Variants in ITCH observed in about 807,000 individuals in gnomAD.
ITCH encodes itchy E3 ubiquitin protein ligase, also known as E3 ubiquitin-protein ligase Itchy homolog.
ITCH carries 28 observed loss-of-function variants against 126.8 expected under a neutral mutation model. The observed-to-expected ratio is 0.22, with a 90% confidence interval of 0.16 to 0.30. The LOEUF (loss-of-function observed/expected upper bound fraction) is 0.30. ITCH is among the 10% of genes least tolerant of loss of function. The pLI is 1.00. For missense variants in ITCH, 631 were observed against 1,032.4 expected, an observed-to-expected ratio of 0.61 and a Z score of 5.33; for synonymous variants, 342 against 340.0, an observed-to-expected ratio of 1.01 and a Z score of -0.06.
intron 7 of ITCH, among the ~76,000 whole-genome samples, chr20:34,426,367 A>C (rs1981514003): frequency 6.6e-6 from 1 of 152,166 alleles, no homozygotes; most frequent in African/African-American, 2.4e-5. Flanking sequence ...ATGGTTGTTG[A>C]AGCTGTGCTG....
Position 34,448,172 on chromosome 20 carries a change from G to A in ITCH, c.1141-1239G>A, listed in dbSNP as rs544136546. Among the ~76,000 whole-genome samples, 13 of 152,138 alleles carry A rather than the reference G, an allele frequency of 8.5e-5. No individual in the cohort carries two copies. The South Asian group carries it at 1.9e-3, about 22-fold the overall frequency. ...TGGGAGGCCGAGGCGGGTGGATCAC[G>A]AACAAGGTCAGGAGTTTGAGGCCAG... On this transcript the variant is annotated intron_variant, in intron 11 of 24. Transcript: ENST00000374864.
intron 16 of ITCH, among the ~76,000 whole-genome samples, chr20:34,473,317 A>G (rs945171588): frequency 6.6e-6 from 1 of 151,474 alleles, no homozygotes; most frequent in African/African-American, 2.4e-5. Context: ...ATTTTTTTTT[A>G]ACTTTTATGG....
In ITCH at chr20:34,476,269, A is replaced by G. The variant is rs180933533; in HGVS notation, c.1570-1503A>G. On this transcript the variant is annotated intron_variant, in intron 16 of 24. Transcript: ENST00000374864. The stretch of plus-strand genomic sequence containing the variant: ...TTCACCATCACAGTTTATAAAGTGG[A>G]CTGTCACTTTATCTTCTGAGCTGCT... 1.5e-3 allele frequency: 1,214 copies of G among 829,386 alleles called. 14 individuals carry two copies. In the African/African-American group the frequency reaches 0.018, roughly 12 times the overall value. The allele number at this position is 829,386 out of a possible 1,614,324, so 51.4% of individuals were successfully genotyped here.
intron 23 of ITCH, 86 bp from the exon 24 acceptor site, chr20:34,504,245 T>C: frequency 1.0e-6 from 1 of 990,952 alleles, no homozygotes; most frequent in East Asian, 2.4e-5. Context: ...ACAAGTTCCC[T>C]CATGATGCTG....
chr20:34,493,225 T>C (rs1989638818), intron 23 of ITCH, among the ~76,000 whole-genome samples: 2 of 152,232 alleles, frequency 1.3e-5, no homozygotes, highest in Non-Finnish European at 2.9e-5. Context: ...TCCCAAAGCC[T>C]GCTTCAGACT....
At chr20:34,396,277 A>G (rs1036490065) in intron 3 of ITCH, among the ~76,000 whole-genome samples, 13 of 151,882 alleles carry the variant, frequency 8.6e-5, no homozygotes, top group Admixed American at 7.9e-4. Flanking sequence ...CAGGTGATCC[A>G]CCTGCCTCGG....
intron 2 of ITCH, among the ~76,000 whole-genome samples, chr20:34,386,007 G>T (rs2038269097): frequency 6.6e-6 from 1 of 152,208 alleles, no homozygotes; most frequent in South Asian, 2.1e-4. Flanking sequence ...TTATGGAAAT[G>T]GGTATTTACC....
At chr20:34,483,720 G>A (rs901783293) in intron 20 of ITCH, among the ~76,000 whole-genome samples, 4 of 152,096 alleles carry the variant, frequency 2.6e-5, no homozygotes, top group African/African-American at 7.2e-5. Flanking sequence ...CTGTTCCAAC[G>A]TCTGCCTGTT....
chr20:34,440,359 A>C lies in ITCH; in HGVS notation c.869+15A>C. The C allele has an allele frequency of 6.3e-7, 1 of 1,582,654 alleles. No individual in the cohort carries two copies. On this transcript the variant is annotated intron_variant, in intron 9 of 24. Transcript: ENST00000374864. ...TTGCCACCTGGGTGAGTAACTTTTT[A>C]AATTAACATATGTTGTCTTTAGGAT...
intron 12 of ITCH, among the ~76,000 whole-genome samples, chr20:34,450,755 C>T (rs1255959544): frequency 6.6e-6 from 1 of 152,056 alleles, no homozygotes; most frequent in Non-Finnish European, 1.5e-5. Flanking sequence ...AAAAGTTGGT[C>T]CCCAAGATAC....
intron 3 of ITCH, among the ~76,000 whole-genome samples, chr20:34,399,795 C>T (rs879375620): frequency 2.6e-5 from 4 of 152,086 alleles, no homozygotes; most frequent in East Asian, 3.9e-4. Flanking sequence ...AAGCCAAGAT[C>T]GCACCCCTAC....
chr20:34,444,885 G>T (rs1346417550), intron 10 of ITCH, among the ~76,000 whole-genome samples: 2 of 152,166 alleles, frequency 1.3e-5, no homozygotes, highest in Non-Finnish European at 2.9e-5. Flanking sequence ...CAAGTGATCC[G>T]CCTGCTTTGG....
intron 2 of ITCH, among the ~76,000 whole-genome samples, chr20:34,380,527 C>G (rs779447552): frequency 2.8e-4 from 41 of 147,528 alleles, no homozygotes; most frequent in South Asian, 6.6e-4. Flanking sequence ...ATTCTGGATA[C>G]AACTCCTTTA....
At chr20:34,461,786 G>A (rs537827211) in intron 13 of ITCH, among the ~76,000 whole-genome samples, 1 of 150,402 alleles carries the variant, frequency 6.6e-6, no homozygotes, top group African/African-American at 2.4e-5. Context: ...TGGAAATAGA[G>A]ATGAACGTGA....
intron 16 of ITCH, among the ~76,000 whole-genome samples, chr20:34,474,287 TCTC>T (rs1356927977): frequency 6.6e-6 from 1 of 152,206 alleles, no homozygotes; most frequent in Non-Finnish European, 1.5e-5. Context: ...GGTCCCTAGT[TCTC>T]CTAGGCAGAG....
chr20:34,378,471 C>CAAAAAAAAAAAAAAAAAAAAAAAAAATGT (rs35400213), intron 2 of ITCH, among the ~76,000 whole-genome samples: 1 of 48,682 alleles, frequency 2.1e-5, no homozygotes, highest in Non-Finnish European at 3.5e-5. Context: ...AACTCTGTCT[C>CAAAAAAAAAAAAAAAAAAAAAAAAAATGT]AAAAAAAAAA....
At chr20:34,499,681 T>G (rs1990129909) in intron 23 of ITCH, among the ~76,000 whole-genome samples, 1 of 152,060 alleles carries the variant, frequency 6.6e-6, no homozygotes, top group South Asian at 2.1e-4. Context: ...TTTAGCCTCA[T>G]TTTTGTTTAT....
intron 15 of ITCH, among the ~76,000 whole-genome samples, 162 bp downstream of exon 15, chr20:34,470,282 T>C (rs1237146149): frequency 6.6e-6 from 1 of 152,134 alleles, no homozygotes; most frequent in African/African-American, 2.4e-5. Context: ...ATTTATCAAT[T>C]AGATCATTTG....
chr20:34,428,983 G>C (rs1308560187), intron 7 of ITCH, among the ~76,000 whole-genome samples: 2 of 152,060 alleles, frequency 1.3e-5, no homozygotes, highest in African/African-American at 4.8e-5. Flanking sequence ...TGTTGCCCAG[G>C]CTGGAGTGCA....
Sources: gnomAD v4.1 joint callset for allele counts (sites outside exome capture counted in the v4.1 genomes callset) on GRCh38, gnomAD v4.1.1 for gene constraint, MANE v1.5 for transcripts, NCBI Gene and HGNC (gene_info 2026-07-23, HGNC 2026-07-21) for gene names.